Variants in DHX16 observed in about 807,000 individuals in gnomAD.
DHX16 encodes the protein DEAH-box helicase 16.
In DHX16, 81 loss-of-function variants were observed where a neutral mutation model predicts 131.2. The observed-to-expected ratio is 0.62, with a 90% CI of 0.52 to 0.74. The LOEUF (loss-of-function observed/expected upper bound fraction) is 0.74, where lower values mean the gene tolerates loss of function less well. Ranked by LOEUF, DHX16 falls within the 30% of genes least tolerant of loss-of-function variation. The pLI is 0.00. For synonymous variants in DHX16, 440 were observed against 520.2 expected, an observed-to-expected ratio of 0.85 and a Z score of 2.10; for missense variants, 980 against 1,363.1, an observed-to-expected ratio of 0.72 and a Z score of 4.43.
At chr6:30,664,724 A>T in intron 7 of DHX16, 77 bp downstream of exon 7, 1 of 1,316,972 alleles carries the variant, frequency 7.6e-7, no homozygotes, top group Non-Finnish European at 1.1e-6. Context: ...TAAAAATATA[A>T]TGTAAAAGGA....
At chr6:30,669,310 A>G (rs566021581) in intron 4 of DHX16, among the ~76,000 whole-genome samples, 1 of 152,104 alleles carries the variant, frequency 6.6e-6, no homozygotes. Context: ...AGTCCCAGCT[A>G]CTCAGGAGGC....
Position 30,662,045 on chromosome 6 carries a change from C to T in DHX16, c.1544+582G>A. The T allele has an allele frequency of 1.7e-6, 1 of 599,204 alleles. No individual in the cohort carries two copies. The highest frequency in any genetic ancestry group is 2.8e-5 in the East Asian group (1 of 35,510). The allele number at this position is 599,204 out of a possible 1,614,324, so 37.1% of individuals were successfully genotyped here. On this transcript the variant is annotated intron_variant, in intron 9 of 19. Coordinates refer to ENST00000376442, the MANE Select transcript of DHX16 (RefSeq NM_003587.5). This position sits in a 1 kb window ranked among gnomAD's most constrained non-coding sequence, Gnocchi z 4.7. ...CTTTTCCCCCTCAACACATGTTCAA[C>T]CAACCCCTGCTTGGCCATTTCCAGC...
chr6:30,672,807 T>G lies in DHX16; in HGVS notation c.35A>C (p.Gln12Pro). 1 of 1,612,980 alleles carries G rather than the reference T, an allele frequency of 6.2e-7. No individual in the cohort carries two copies. Among genetic ancestry groups the G allele is most frequent in the Non-Finnish European group, 8.5e-7 (1 of 1,180,014 alleles). Reference protein sequence around the residue: ...ATPAGLERWVQDELHSVLGLS... With the variant: ...ATPAGLERWVPDELHSVLGLS... ...CCCCAACACCGAGTGCAGCTCGTCC[T>G]GAACCCAGCGCTCCAGACCCGCCGG... The change falls in exon 1 of 20, where the codon CAG becomes CCG. Residue 12 changes from glutamine to proline, a missense_variant. This residue lies in a region of DHX16 where 457 missense variants were observed against 554.8 expected (regional missense o/e 0.82). Coordinates refer to ENST00000376442, the MANE Select transcript of DHX16 (RefSeq NM_003587.5).
chr6:30,656,779 G>A lies in DHX16; in HGVS notation c.2149-20C>T, dbSNP rs1320426207. 6.2e-7 allele frequency: 1 copy of A among 1,610,844 alleles called. No individual in the cohort carries two copies. The highest frequency in any genetic ancestry group is 1.3e-5 in the African/African-American group (1 of 75,052). On this transcript the variant is annotated intron_variant, in intron 13 of 19. Transcript: ENST00000376442. This position sits in a 1 kb window ranked among gnomAD's most constrained non-coding sequence, Gnocchi z 5.1. The stretch of plus-strand genomic sequence containing the variant: ...TGAGGCCTGGAAAGAAAGGGGAACA[G>A]GCTGGCTGACAATTTGGTCAGGGAA...
At chr6:30,664,779 C>G (rs1768852601) in intron 7 of DHX16, 22 bp downstream of exon 7, 1 of 1,597,058 alleles carries the variant, frequency 6.3e-7, no homozygotes, top group Non-Finnish European at 8.6e-7. Context: ...CCCTGGCAAG[C>G]TGAAGGGTGA....
intron 18 of DHX16, 86 bp downstream of exon 18, chr6:30,655,089 C>A: frequency 6.4e-7 from 1 of 1,566,064 alleles, no homozygotes; most frequent in Non-Finnish European, 8.7e-7. Flanking sequence ...TGCTCTCACG[C>A]TGGAGGAAAT....
intron 4 of DHX16, among the ~76,000 whole-genome samples, chr6:30,666,875 C>T (rs1169154276): frequency 6.6e-6 from 1 of 152,062 alleles, no homozygotes; most frequent in Non-Finnish European, 1.5e-5. Flanking sequence ...TTTGGCTTTT[C>T]TTGTTTGTTC....
Position 30,653,361 on chromosome 6 carries a change from T to A in DHX16, c.3007A>T (p.Ile1003Phe), listed in dbSNP as rs941661155. 1.2e-6 allele frequency: 2 copies of A among 1,612,086 alleles called. No individual in the cohort carries two copies. The highest frequency in any genetic ancestry group is 1.7e-6 in the Non-Finnish European group (2 of 1,179,778). ...TKEFMRQVLE[I>F]ESSWLLEVAP... ...ACCTCCAGAAGCCAACTGCTCTCAA[T>A]CTCCAGTACCTAGGAGAGAGAAAAG... is the stretch of plus-strand genomic sequence containing the variant. The change falls in exon 20 of 20, where the codon ATT becomes TTT. Residue 1003 changes from isoleucine to phenylalanine, a missense_variant. Transcript: ENST00000376442.
At position 30,654,888 on chromosome 6, in the gene DHX16, C is replaced by T. The variant is rs748912048; in HGVS notation, c.2824-9G>A. 13 of 1,602,632 alleles carry T rather than the reference C, an allele frequency of 8.1e-6. No individual in the cohort carries two copies. Among genetic ancestry groups the T allele is most frequent in the East Asian group, 2.2e-5 (1 of 44,762 alleles). On this transcript the variant is annotated splice_polypyrimidine_tract_variant and intron_variant, in intron 18 of 19. Transcript: ENST00000376442. ...TAACCAGCAGTGATGGCCTAAGGAG[C>T]GGGCAGGAAAGAAAATCAATGGAAA...
intron 9 of DHX16, chr6:30,661,865 A>T: frequency 1.4e-6 from 1 of 718,048 alleles, no homozygotes; most frequent in Non-Finnish European, 2.6e-6. Context: ...ATGGGTTCTT[A>T]GAGATCTTTT....
intron 9 of DHX16, among the ~76,000 whole-genome samples, chr6:30,661,177 C>T (rs1442520227): frequency 2.0e-5 from 3 of 151,440 alleles, no homozygotes; most frequent in South Asian, 2.1e-4. Context: ...TCCTGGGTTG[C>T]GTTCACGCCA....
At chr6:30,671,372 C>G (rs983653291) in intron 1 of DHX16, 98 bp from the exon 2 acceptor site, 3 of 1,194,290 alleles carry the variant, frequency 2.5e-6, no homozygotes, top group Admixed American at 4.3e-5. Flanking sequence ...TTAGTCTTTC[C>G]TGCCCCCGCG....
intron 19 of DHX16, 38 bp downstream of exon 19, chr6:30,654,666 CAT>C: frequency 6.3e-7 from 1 of 1,575,722 alleles, no homozygotes; most frequent in African/African-American, 1.3e-5. Flanking sequence ...CATCTCTCTA[CAT>C]AGTCTCCACC....
rs751532969 is a variant in DHX16, at chr6:30,657,066, C to T, written c.2034G>A (p.Glu678=). The part of the protein sequence containing the change: ...RKVVVATNIA[E]TSLTIEGIIY... ...TGATGCCCTCAATGGTGAGTGATGT[C>T]TCAGCAATGTTCGTTGCCACAACCA... Residue 678 remains glutamate, a synonymous_variant, in exon 13 of 20, where the codon GAG becomes GAA. Transcript: ENST00000376442. The T allele has an allele frequency of 6.2e-7, 1 of 1,612,960 alleles. No individual in the cohort carries two copies. Among genetic ancestry groups the T allele is most frequent in the South Asian group, 1.1e-5 (1 of 91,070 alleles).
At chr6:30,666,791 A>C (rs1456617862) in intron 4 of DHX16, among the ~76,000 whole-genome samples, 3 of 152,040 alleles carry the variant, frequency 2.0e-5, no homozygotes, top group East Asian at 3.9e-4. Context: ...CTGAGCAACA[A>C]GAACAAAACT....
intron 1 of DHX16, among the ~76,000 whole-genome samples, chr6:30,671,676 C>T (rs1769569680): frequency 6.7e-6 from 1 of 150,090 alleles, no homozygotes; most frequent in Admixed American, 6.6e-5. Context: ...AGCTAACCAG[C>T]ATTCATTCTC....
chr6:30,657,022 C>T lies in DHX16; in HGVS notation c.2078G>A (p.Gly693Glu). 1 of 1,613,030 alleles carries T rather than the reference C, an allele frequency of 6.2e-7. No individual in the cohort carries two copies. Among genetic ancestry groups the T allele is most frequent in the Admixed American group, 1.7e-5 (1 of 60,004 alleles). Reference sequence around the variant, plus strand: ...GTTGTAGCTCTTCTGCTTACAGAACCCTGGATCCAGCACATAAATGATGCC... The same window carrying T: ...GTTGTAGCTCTTCTGCTTACAGAACTCTGGATCCAGCACATAAATGATGCC... ...IEGIIYVLDP[G>E]FCKQKSYNPR... is the part of the protein sequence containing the mutation. The change falls in exon 13 of 20, where the codon GGG (glycine) becomes GAG (glutamate). Residue 693 changes from glycine to glutamate, a missense_variant. This residue lies in a region of DHX16 where 309 missense variants were observed against 537.1 expected (regional missense o/e 0.58). Transcript: ENST00000376442.
Position 30,670,759 on chromosome 6 carries a change from G to A in DHX16, c.609+31C>T, listed in dbSNP as rs769537475. On this transcript the variant is annotated intron_variant, in intron 3 of 19. Transcript: ENST00000376442. The surrounding 1 kb of genome is among the most constrained non-coding windows in gnomAD (Gnocchi z 4.4). ...CCTCAGATTTCACCCTGGGATCTTGGGGATTTACAGAACATGCTGCTCCTA... is the reference window on the plus strand; with the variant it reads ...CCTCAGATTTCACCCTGGGATCTTGAGGATTTACAGAACATGCTGCTCCTA... The A allele has an allele frequency of 1.2e-5, 19 of 1,611,284 alleles. No individual in the cohort carries two copies. The highest frequency in any genetic ancestry group is 1.7e-4 in the Middle Eastern group (1 of 6,060).
At chr6:30,659,908 A>G in intron 10 of DHX16, 74 bp from the exon 11 acceptor site, 1 of 1,560,138 alleles carries the variant, frequency 6.4e-7, no homozygotes, top group Non-Finnish European at 8.8e-7. Context: ...TCCCAATTCA[A>G]CATACACTTT....
Sources: gnomAD v4.1 joint callset for allele counts (sites outside exome capture counted in the v4.1 genomes callset) on GRCh38, gnomAD v4.1.1 for gene constraint, gnomAD v4.1.1 regional missense constraint, Gnocchi (gnomAD v3.1) non-coding constraint, MANE v1.5 for transcripts, NCBI Gene and HGNC (gene_info 2026-07-23, HGNC 2026-07-21) for gene names.